STK3: variants seen among roughly 807,000 people sequenced by gnomAD.
STK3 encodes the protein serine/threonine kinase 3.
A neutral mutation model predicts 58.0 loss-of-function variants in STK3; 41 were observed. The observed-to-expected ratio is 0.71, with a 90% CI of 0.55 to 0.92. The LOEUF (loss-of-function observed/expected upper bound fraction) is 0.92, where lower values mean the gene tolerates loss of function less well. Ranked by LOEUF, STK3 falls within the 40% of genes least tolerant of loss-of-function variation. The probability of loss-of-function intolerance (pLI) is 0.00; values close to 1 mark genes in which losing one functional copy is unlikely to be tolerated. For missense variants in STK3, 479 were observed against 602.7 expected, an observed-to-expected ratio of 0.79 and a Z score of 2.15; for synonymous variants, 170 against 191.0, an observed-to-expected ratio of 0.89 and a Z score of 0.91.
At chr8:98,848,821 C>G (rs190141980) in intron 3 of STK3, among the ~76,000 whole-genome samples, 1 of 152,104 alleles carries the variant, frequency 6.6e-6, no homozygotes, top group South Asian at 2.1e-4. Context: ...CATGTACAAG[C>G]TTTGATGTGG....
intron 1 of STK3, chr8:98,782,611 G>C (rs1355606066): frequency 4.1e-6 from 1 of 246,276 alleles, no homozygotes; most frequent in East Asian, 1.3e-4. Context: ...TGTCCAAGGA[G>C]GAAGAGACGA....
intron 3 of STK3, among the ~76,000 whole-genome samples, chr8:98,765,302 G>C (rs143994499): frequency 1.3e-5 from 2 of 152,126 alleles, no homozygotes; most frequent in African/African-American, 4.8e-5. Flanking sequence ...AATTTCACAT[G>C]CTATGGGAAA....
intron 6 of STK3, among the ~76,000 whole-genome samples, chr8:98,620,296 T>C (rs992659820): frequency 5.3e-5 from 6 of 113,826 alleles, no homozygotes; most frequent in African/African-American, 2.1e-4. Context: ...AAGGGGAATA[T>C]CACACTCTGG....
intron 10 of STK3, among the ~76,000 whole-genome samples, chr8:98,501,583 A>C (rs1421773557): frequency 2.6e-5 from 4 of 152,210 alleles, no homozygotes; most frequent in Non-Finnish European, 5.9e-5. Flanking sequence ...ACTTTTGTAT[A>C]AGGTGTAAGG....
intron 6 of STK3, among the ~76,000 whole-genome samples, chr8:98,659,097 G>A (rs1312710390): frequency 4.0e-5 from 6 of 151,874 alleles, no homozygotes; most frequent in Non-Finnish European, 8.8e-5. Context: ...TATTATCTAG[G>A]TTTGTATAAG....
downstream of STK3, chr8:98,879,620 A>G (rs2131894576): frequency 6.6e-6 from 1 of 152,330 alleles, no homozygotes; most frequent in Non-Finnish European, 1.5e-5. Context: ...CTCTATGTCA[A>G]TCCAATCAGC....
Position 98,455,907 on chromosome 8 carries a change from T to C in STK3, c.1411A>G (p.Thr471Ala), listed in dbSNP as rs779061311. 5.0e-6 allele frequency: 8 copies of C among 1,613,624 alleles called. No individual in the cohort carries two copies. The highest frequency in any genetic ancestry group is 2.2e-5 in the South Asian group (2 of 91,012). ...REIEELRQRY[T>A]AKRQPILDAM... ...TCCAGAATGGGCTGTCTTTTCGCAG[T>C]GTATCTCTGACGAAGTTCTTCTATC... The change falls in exon 11 of 11, where the codon ACT becomes GCT. Residue 471 changes from threonine (T) to alanine (A), a missense_variant. Coordinates refer to ENST00000419617, the MANE Select transcript of STK3 (RefSeq NM_006281.4).
At chr8:98,462,002 T>C (rs1820025779) in intron 10 of STK3, among the ~76,000 whole-genome samples, 1 of 152,142 alleles carries the variant, frequency 6.6e-6, no homozygotes, top group African/African-American at 2.4e-5. Context: ...ACCTGAAATG[T>C]TTTGATACTG....
chr8:98,717,458 A>C (rs1287500695), intron 4 of STK3, among the ~76,000 whole-genome samples: 5 of 152,150 alleles, frequency 3.3e-5, no homozygotes. Flanking sequence ...ATAAATCAAA[A>C]ACATAATGAG....
intron 3 of STK3, chr8:98,429,650 C>T (rs1377229907): frequency 4.0e-6 from 2 of 498,284 alleles, no homozygotes; most frequent in South Asian, 4.6e-5. Context: ...GTCTTTGCAT[C>T]GTGGGCATAA....
intron 3 of STK3, among the ~76,000 whole-genome samples, chr8:98,765,253 A>G (rs992091523): frequency 6.6e-6 from 1 of 152,248 alleles, no homozygotes; most frequent in East Asian, 1.9e-4. Context: ...TGGGAACCAC[A>G]GTTGAGGAAT....
At chr8:98,784,007 A>G (rs1832292658) in intron 1 of STK3, among the ~76,000 whole-genome samples, 1 of 152,242 alleles carries the variant, frequency 6.6e-6, no homozygotes, top group South Asian at 2.1e-4. Context: ...CAAGACAGTC[A>G]GAAAGCCTCC....
chr8:98,506,267 T>C (rs944983943), intron 10 of STK3, among the ~76,000 whole-genome samples: 4 of 152,170 alleles, frequency 2.6e-5, no homozygotes, highest in Non-Finnish European at 4.4e-5. Flanking sequence ...TCACAGTATT[T>C]AGGTGGAGGC....
At chr8:98,788,896 C>T (rs1832638835) in intron 1 of STK3, among the ~76,000 whole-genome samples, 1 of 152,132 alleles carries the variant, frequency 6.6e-6, no homozygotes, top group Admixed American at 6.5e-5. Context: ...TTAAACTATA[C>T]CCTGGAACAA....
intron 3 of STK3, among the ~76,000 whole-genome samples, chr8:98,866,241 G>A (rs1411787327): frequency 6.6e-6 from 1 of 152,196 alleles, no homozygotes; most frequent in Admixed American, 6.5e-5. Context: ...AGGGTCAGTA[G>A]TGGCCTTACA....
intron 1 of STK3, among the ~76,000 whole-genome samples, chr8:98,893,498 A>G (rs1164757155): frequency 1.9e-4 from 25 of 134,720 alleles, no homozygotes; most frequent in African/African-American, 6.5e-4. Context: ...GAAAGAAAGA[A>G]AGAAAGAAAG....
In STK3 at chr8:98,919,861, C is replaced by T. The variant is rs145708737; in HGVS notation, c.-79+22517G>A. Reference sequence around the variant, plus strand: ...AGGGGCTCTGTGGGATGAGGACCGACACAGTCAAAGGACTGCATGGGGAAT... The same window carrying T: ...AGGGGCTCTGTGGGATGAGGACCGATACAGTCAAAGGACTGCATGGGGAAT... On this transcript the variant is annotated intron_variant, in intron 1 of 1. Transcript: ENST00000519420. 4.1e-3 allele frequency among the ~76,000 whole-genome samples: 623 copies of T among 152,228 alleles called. 2 individuals are homozygous for T. Among genetic ancestry groups the T allele is most frequent in the African/African-American group, 0.014 (600 of 41,540 alleles).
At chr8:98,937,248 G>A (rs1380074713) in intron 1 of STK3, among the ~76,000 whole-genome samples, 1 of 152,180 alleles carries the variant, frequency 6.6e-6, no homozygotes, top group Non-Finnish European at 1.5e-5. Flanking sequence ...TTACAGTCAG[G>A]AAGTGAGAAT....
chr8:98,815,006 G>A (rs1469479668), intron 1 of STK3, among the ~76,000 whole-genome samples: 3 of 152,166 alleles, frequency 2.0e-5, no homozygotes, highest in Non-Finnish European at 4.4e-5. Flanking sequence ...CAACAGTGGT[G>A]TTATTTGTCT....
Sources: gnomAD v4.1 joint callset for allele counts (sites outside exome capture counted in the v4.1 genomes callset) on GRCh38, gnomAD v4.1.1 for gene constraint, MANE v1.5 for transcripts, NCBI Gene and HGNC (gene_info 2026-07-23, HGNC 2026-07-21) for gene names.